Variants in NKAIN3 observed in about 807,000 individuals in gnomAD.
The protein encoded by NKAIN3 is sodium/potassium-transporting ATPase subunit beta-1-interacting protein 3.
NKAIN3 carries 25 observed loss-of-function variants against 30.2 expected under a neutral mutation model. That is an observed-to-expected ratio of 0.83 (90% CI 0.60 to 1.16). NKAIN3 has a LOEUF of 1.16. Among genes scored for constraint, NKAIN3 ranks in the 50% most tolerant of loss-of-function variants. The probability of loss-of-function intolerance (pLI) is 0.00; values close to 1 mark genes in which losing one functional copy is unlikely to be tolerated. For synonymous variants in NKAIN3, 91 were observed against 89.6 expected, an observed-to-expected ratio of 1.02 and a Z score of -0.09; for missense variants, 225 against 254.1, an observed-to-expected ratio of 0.89 and a Z score of 0.78.
chr8:62,917,950 TTTGA>T (rs1044422536), intron 4 of NKAIN3, among the ~76,000 whole-genome samples: 7 of 152,342 alleles, frequency 4.6e-5, no homozygotes, highest in African/African-American at 1.7e-4. Context: ...TTTCTTGTGG[TTTGA>T]TTAACAAAGC....
At chr8:62,879,597 T>A (rs547941890) in intron 4 of NKAIN3, among the ~76,000 whole-genome samples, 2 of 152,302 alleles carry the variant, frequency 1.3e-5, no homozygotes, top group South Asian at 4.1e-4. Context: ...ACAGGAGGCA[T>A]GCATGAGCAC....
chr8:62,304,156 C>G (rs1432488515), intron 1 of NKAIN3, among the ~76,000 whole-genome samples: 1 of 150,440 alleles, frequency 6.6e-6, no homozygotes, highest in Non-Finnish European at 1.5e-5. Context: ...AGATATGTGT[C>G]TGTCTAAATC....
chr8:62,778,513 G>A (rs1478135533), intron 4 of NKAIN3, among the ~76,000 whole-genome samples: 1 of 151,926 alleles, frequency 6.6e-6, no homozygotes, highest in East Asian at 1.9e-4. Context: ...AACAAATATT[G>A]TCTGGCTACT....
chr8:62,930,037 C>A (rs569706501), intron 5 of NKAIN3, among the ~76,000 whole-genome samples: 1 of 152,140 alleles, frequency 6.6e-6, no homozygotes, highest in Non-Finnish European at 1.5e-5. Context: ...GGGAGAGCTT[C>A]TTTTCATTGT....
chr8:62,536,131 A>G (rs1202752087), intron 1 of NKAIN3, among the ~76,000 whole-genome samples: 2 of 152,178 alleles, frequency 1.3e-5, no homozygotes, highest in African/African-American at 2.4e-5. Context: ...AAAAATTTCA[A>G]AGAAATGACT....
chr8:62,515,725 T>C (rs1376010637), intron 1 of NKAIN3, among the ~76,000 whole-genome samples: 1 of 152,148 alleles, frequency 6.6e-6, no homozygotes, highest in Non-Finnish European at 1.5e-5. Context: ...TTTCCCAACA[T>C]CTTTCTGACA....
At chr8:62,435,943 G>A (rs1299938020) in intron 1 of NKAIN3, among the ~76,000 whole-genome samples, 1 of 152,058 alleles carries the variant, frequency 6.6e-6, no homozygotes, top group Admixed American at 6.5e-5. Context: ...ATTCTACACA[G>A]TATGCCTTTA....
rs77220564 is a variant in NKAIN3, at chr8:62,978,752, A to C, written c.*13345A>C. Reference sequence around the variant, plus strand: ...TTCTGTCTCTCTGGCATTCCAGACAACTCTGGGGTACGAAAAAAACTCCTA... The same window carrying C: ...TTCTGTCTCTCTGGCATTCCAGACACCTCTGGGGTACGAAAAAAACTCCTA... On this transcript the variant is annotated 3_prime_UTR_variant, in exon 7 of 7. Transcript: ENST00000623646. The C allele has an allele frequency of 0.11, 16,330 of 152,630 alleles. 917 individuals carry two copies. Among genetic ancestry groups the C allele is most frequent in the South Asian group, 0.17 (822 of 4,800 alleles). 9.5% of individuals were successfully genotyped at this position (152,630 alleles called of 1,614,324 possible). A position where few individuals can be genotyped will look rare whatever the true frequency, so the allele number is the denominator to read the frequency against.
chr8:62,661,024 C>A (rs1812928165), intron 3 of NKAIN3, among the ~76,000 whole-genome samples: 1 of 152,178 alleles, frequency 6.6e-6, no homozygotes, highest in Admixed American at 6.5e-5. Context: ...TTTTTACCAC[C>A]TTTCTAGTGC....
At chr8:62,449,708 A>G (rs1156726800) in intron 1 of NKAIN3, among the ~76,000 whole-genome samples, 3 of 152,132 alleles carry the variant, frequency 2.0e-5, no homozygotes, top group African/African-American at 7.2e-5. Flanking sequence ...TAGAAAAAGA[A>G]CAATCCATAA....
chr8:62,882,503 A>C (rs1245736584), intron 4 of NKAIN3, among the ~76,000 whole-genome samples: 2 of 151,986 alleles, frequency 1.3e-5, no homozygotes, highest in African/African-American at 4.8e-5. Context: ...TTTTTAGTAG[A>C]GACAGGGTTT....
rs190186892 is a variant in NKAIN3, at chr8:62,616,355, G to A, written c.273+26561G>A. 1.6e-4 allele frequency among the ~76,000 whole-genome samples: 25 copies of A among 152,066 alleles called. No homozygotes were observed. The East Asian group carries it at 2.3e-3, about 14-fold the overall frequency. On this transcript the variant is annotated intron_variant, in intron 3 of 6. Coordinates refer to ENST00000623646, the MANE Select transcript of NKAIN3 (RefSeq NM_001304533.3). ...CAACTAAAAATTCAGGGGTTCTCTCGACCACTCCTCAGGTTTGATAACTCC... is the reference window on the plus strand; with the variant it reads ...CAACTAAAAATTCAGGGGTTCTCTCAACCACTCCTCAGGTTTGATAACTCC...
At chr8:62,529,486 G>A (rs150225775) in intron 1 of NKAIN3, among the ~76,000 whole-genome samples, 1 of 152,134 alleles carries the variant, frequency 6.6e-6, no homozygotes, top group Non-Finnish European at 1.5e-5. Flanking sequence ...ATTGGGACAT[G>A]AGGGTGGAGC....
intron 3 of NKAIN3, among the ~76,000 whole-genome samples, chr8:62,606,177 A>G (rs910291790): frequency 1.3e-5 from 2 of 152,086 alleles, no homozygotes; most frequent in African/African-American, 4.8e-5. Context: ...GAGAACCTCC[A>G]AGGATTACAT....
intron 3 of NKAIN3, among the ~76,000 whole-genome samples, chr8:62,745,117 G>A (rs1256513814): frequency 6.6e-6 from 1 of 152,182 alleles, no homozygotes; most frequent in East Asian, 1.9e-4. Flanking sequence ...ATTACTTTCA[G>A]TGCCACCCAT....
intron 2 of NKAIN3, among the ~76,000 whole-genome samples, chr8:62,588,915 A>G (rs73257120): frequency 0.021 from 3,162 of 151,946 alleles, 123 homozygotes; most frequent in African/African-American, 0.073. Flanking sequence ...GTCTGCATAA[A>G]AAAGTGACTG....
In NKAIN3 at chr8:62,579,675, TG is replaced by T; in HGVS notation, c.192+1del. 6.8e-7 allele frequency: 1 copy of T among 1,462,708 alleles called. No individual in the cohort carries two copies. Among genetic ancestry groups the T allele is most frequent in the Non-Finnish European group, 9.1e-7 (1 of 1,101,792 alleles). The allele number at this position is 1,462,708 out of a possible 1,614,324, so 90.6% of individuals were successfully genotyped here. A position where few individuals can be genotyped will look rare whatever the true frequency, so the allele number is the denominator to read the frequency against. On this transcript the variant is annotated frameshift_variant and splice_region_variant, in exon 2 of 7. Coordinates refer to ENST00000623646, the MANE Select transcript of NKAIN3 (RefSeq NM_001304533.3). LOFTEE classifies it high-confidence loss of function. ...TIQYRPRYIM[V>X]YTVWTALWVT... is the part of the protein sequence containing the mutation. The stretch of plus-strand genomic sequence containing the variant: ...CAGTACAGACCTCGATACATAATGG[TG>T]GTAAGTCTTATTTTTATCATTTTGC...
intron 1 of NKAIN3, among the ~76,000 whole-genome samples, chr8:62,490,646 A>G (rs1376480770): frequency 6.6e-6 from 1 of 152,192 alleles, no homozygotes; most frequent in Non-Finnish European, 1.5e-5. Flanking sequence ...GAAAACAGAA[A>G]TTCATGAATG....
intron 1 of NKAIN3, among the ~76,000 whole-genome samples, chr8:62,503,953 A>G (rs1190023106): frequency 6.6e-6 from 1 of 152,194 alleles, no homozygotes; most frequent in Non-Finnish European, 1.5e-5. Context: ...CGAAGATAAC[A>G]GGATTGAGAT....
Sources: gnomAD v4.1 joint callset for allele counts (sites outside exome capture counted in the v4.1 genomes callset) on GRCh38, gnomAD v4.1.1 for gene constraint, MANE v1.5 for transcripts, NCBI Gene and HGNC (gene_info 2026-07-23, HGNC 2026-07-21) for gene names.